Variants in MGAT4C observed in about 807,000 individuals in gnomAD.
MGAT4C encodes alpha-1,3-mannosyl-glycoprotein 4-beta-N-acetylglucosaminyltransferase C.
Under a neutral mutation model 40.1 loss-of-function variants are expected in MGAT4C, and 19 were observed. That is an observed-to-expected ratio of 0.47 (90% CI 0.33 to 0.70). The LOEUF is 0.70. MGAT4C is among the 30% of genes least tolerant of loss of function. The pLI, the probability that MGAT4C is intolerant of heterozygous loss-of-function variation, is 0.02. For synonymous variants in MGAT4C, 181 were observed against 187.1 expected (o/e 0.97, Z 0.27); for missense variants, 491 against 563.2 (o/e 0.87, Z 1.30).
intron 1 of MGAT4C, among the ~76,000 whole-genome samples, chr12:86,761,925 T>A (rs904155132): frequency 1.3e-5 from 2 of 152,140 alleles, no homozygotes; most frequent in African/African-American, 4.8e-5. Context: ...AGAATAATAT[T>A]CATAGTTTCT....
chr12:86,539,051 T>C (rs1452095405), intron 2 of MGAT4C, among the ~76,000 whole-genome samples: 1 of 152,180 alleles, frequency 6.6e-6, no homozygotes, highest in Non-Finnish European at 1.5e-5. Context: ...ATACTTTAAG[T>C]TCTAGGGTAC....
rs113367964 is a variant in MGAT4C, at chr12:86,781,185, T to C, written c.-261-53944A>G. Among the ~76,000 whole-genome samples the C allele has an allele frequency of 3.3e-3, 508 of 152,252 alleles. 7 individuals are homozygous for C. Among genetic ancestry groups the C allele is most frequent in the African/African-American group, 0.012 (492 of 41,546 alleles). On this transcript the variant is annotated intron_variant, in intron 1 of 7. Coordinates refer to the MGAT4C transcript ENST00000548651. Reference sequence around the variant, plus strand: ...ACTGGTTAGATTCCCAGTAGTGGGATTGCTGGATCAAATGGTAGTTCCATT... The same window carrying C: ...ACTGGTTAGATTCCCAGTAGTGGGACTGCTGGATCAAATGGTAGTTCCATT...
At chr12:86,634,678 C>A (rs1003873642) in intron 2 of MGAT4C, among the ~76,000 whole-genome samples, 8 of 152,076 alleles carry the variant, frequency 5.3e-5, no homozygotes. Flanking sequence ...TCCTATAATT[C>A]CCTGCCATGA....
chr12:86,296,682 G>A (rs1014616728), intron 4 of MGAT4C, among the ~76,000 whole-genome samples: 2 of 152,230 alleles, frequency 1.3e-5, no homozygotes, highest in Non-Finnish European at 2.9e-5. Context: ...CCGCAGGGCC[G>A]GCCAGCGGCT....
chr12:86,463,608 A>T (rs1376748392), intron 2 of MGAT4C, among the ~76,000 whole-genome samples: 2 of 152,124 alleles, frequency 1.3e-5, no homozygotes, highest in Non-Finnish European at 2.9e-5. Flanking sequence ...TGACATACAA[A>T]TTAGGTTAGA....
At chr12:86,368,048 C>T (rs553241515) in intron 3 of MGAT4C, among the ~76,000 whole-genome samples, 7 of 152,138 alleles carry the variant, frequency 4.6e-5, no homozygotes, top group South Asian at 2.1e-4. Flanking sequence ...ATTAAAACTA[C>T]GGAAATTTGC....
At chr12:86,577,474 C>T (rs891482940) in intron 2 of MGAT4C, among the ~76,000 whole-genome samples, 8 of 151,600 alleles carry the variant, frequency 5.3e-5, no homozygotes, top group Admixed American at 3.3e-4. Context: ...TGTTAAGGTA[C>T]GTTTTCTTCT....
At chr12:86,441,826 T>G (rs975122770) in intron 2 of MGAT4C, among the ~76,000 whole-genome samples, 3 of 152,122 alleles carry the variant, frequency 2.0e-5, no homozygotes, top group African/African-American at 7.2e-5. Flanking sequence ...TGTGCTTTTA[T>G]AGAAGCATGA....
At chr12:86,650,587 CTT>C (rs1332034603) in intron 2 of MGAT4C, among the ~76,000 whole-genome samples, 1 of 151,832 alleles carries the variant, frequency 6.6e-6, no homozygotes, top group African/African-American at 2.4e-5. Flanking sequence ...TTTAATTTGA[CTT>C]ATGATTCTCT....
At chr12:86,038,929 G>C (rs1283413201) in intron 2 of MGAT4C, among the ~76,000 whole-genome samples, 2 of 148,626 alleles carry the variant, frequency 1.3e-5, no homozygotes, top group Admixed American at 6.8e-5. Flanking sequence ...CAGGCCTGGT[G>C]GTGAGAAAAT....
chr12:86,465,795 T>C (rs1337665982), intron 2 of MGAT4C, among the ~76,000 whole-genome samples: 1 of 152,198 alleles, frequency 6.6e-6, no homozygotes, highest in Non-Finnish European at 1.5e-5. Context: ...TGCAAAATTG[T>C]ACAGCATTTT....
At chr12:86,548,061 T>G (rs895142785) in intron 2 of MGAT4C, among the ~76,000 whole-genome samples, 3 of 152,156 alleles carry the variant, frequency 2.0e-5, no homozygotes, top group Non-Finnish European at 4.4e-5. Context: ...TACATACATA[T>G]GCACATGCAT....
chr12:86,481,951 A>T (rs1957944596), intron 2 of MGAT4C, among the ~76,000 whole-genome samples: 1 of 151,802 alleles, frequency 6.6e-6, no homozygotes, highest in African/African-American at 2.4e-5. Context: ...ATGTATTTTT[A>T]AAAACATATA....
intron 1 of MGAT4C, among the ~76,000 whole-genome samples, chr12:86,764,883 G>C: frequency 6.6e-6 from 1 of 152,008 alleles, no homozygotes; most frequent in Non-Finnish European, 1.5e-5. Context: ...CATCATCAAA[G>C]ACCAAAAGTA....
At chr12:86,247,955 T>C (rs573087691) in intron 1 of MGAT4C, among the ~76,000 whole-genome samples, 1 of 152,090 alleles carries the variant, frequency 6.6e-6, no homozygotes, top group African/African-American at 2.4e-5. Flanking sequence ...TTTTCTACCC[T>C]CAGCACCATC....
intron 3 of MGAT4C, among the ~76,000 whole-genome samples, chr12:86,410,738 G>A (rs990455039): frequency 7.2e-5 from 11 of 152,282 alleles, no homozygotes; most frequent in South Asian, 4.1e-4. Context: ...AAATGTCCAG[G>A]AAATCTTCAC....
chr12:86,540,435 C>A (rs146810961), intron 2 of MGAT4C, among the ~76,000 whole-genome samples: 103 of 152,248 alleles, frequency 6.8e-4, no homozygotes, highest in African/African-American at 2.5e-3. Flanking sequence ...TGGATGAAAC[C>A]TCATGAGAAA....
chr12:86,557,193 G>A (rs1959651926), intron 2 of MGAT4C, among the ~76,000 whole-genome samples: 1 of 152,094 alleles, frequency 6.6e-6, no homozygotes, highest in African/African-American at 2.4e-5. Flanking sequence ...GGAAGTTAGA[G>A]TATCTTGCTA....
intron 2 of MGAT4C, chr12:86,001,552 A>T (rs888572772): frequency 2.4e-6 from 2 of 833,758 alleles, no homozygotes; most frequent in Non-Finnish European, 2.9e-6. Flanking sequence ...GGTGATTTCG[A>T]CTCCTGAGCC....
Sources: allele counts gnomAD v4.1 joint callset (sites outside exome capture counted in the v4.1 genomes callset), GRCh38; gene constraint gnomAD v4.1.1; transcripts MANE v1.5; gene names NCBI Gene and HGNC (gene_info 2026-07-23, HGNC 2026-07-21).